Variants in TBX15 observed in about 807,000 individuals in gnomAD.
TBX15 encodes the protein T-box transcription factor TBX15.
In TBX15, 18 loss-of-function variants were observed where a neutral mutation model predicts 53.9. The observed-to-expected ratio is 0.33, with a 90% CI of 0.23 to 0.49. The LOEUF is 0.49. Ranked by LOEUF, TBX15 falls within the 20% of genes least tolerant of loss-of-function variation. TBX15 has a pLI of 0.98. For synonymous variants in TBX15, 295 were observed against 278.0 expected (o/e 1.06, Z -0.61); for missense variants, 692 against 749.5 (o/e 0.92, Z 0.90).
chr1:118,901,481 T>A (rs1487666955), intron 6 of TBX15: 1 of 449,248 alleles, frequency 2.2e-6, no homozygotes, highest in Non-Finnish European at 4.4e-6. Flanking sequence ...ACCATAGCAG[T>A]TTCATTTTCA....
At chr1:118,891,077 A>G in intron 7 of TBX15, 1 of 404,836 alleles carries the variant, frequency 2.5e-6, no homozygotes, top group Non-Finnish European at 4.0e-6. Context: ...CAACAAAAGA[A>G]TTACTTAGTT....
chr1:118,939,533 C>T (rs1656096838), intron 1 of TBX15, among the ~76,000 whole-genome samples: 1 of 149,310 alleles, frequency 6.7e-6, no homozygotes, highest in African/African-American at 2.5e-5. Context: ...ACAACAGACA[C>T]TGAAGACTGC....
chr1:118,886,423 T>C (rs1299345146), intron 7 of TBX15, among the ~76,000 whole-genome samples: 1 of 152,272 alleles, frequency 6.6e-6, no homozygotes, highest in South Asian at 2.1e-4. Flanking sequence ...CCTCTGCAGG[T>C]TACAGTTTCT....
chr1:118,917,677 A>T (rs1301662942), intron 5 of TBX15, among the ~76,000 whole-genome samples: 1 of 152,204 alleles, frequency 6.6e-6, no homozygotes, highest in East Asian at 1.9e-4. Context: ...TGTCATCATC[A>T]TCTCTTGACT....
chr1:118,886,323 G>A (rs574852635), intron 7 of TBX15, among the ~76,000 whole-genome samples: 2 of 152,248 alleles, frequency 1.3e-5, no homozygotes, highest in Admixed American at 1.3e-4. Flanking sequence ...AGCTAAAAAG[G>A]CCTTAAAGTG....
At chr1:118,915,439 A>G (rs1349271352) in intron 5 of TBX15, among the ~76,000 whole-genome samples, 3 of 151,684 alleles carry the variant, frequency 2.0e-5, no homozygotes, top group African/African-American at 7.2e-5. Context: ...CTGACTTGAA[A>G]GAGTCTTCCA....
At chr1:118,920,107 G>C (rs1571174583) in intron 5 of TBX15, among the ~76,000 whole-genome samples, 1 of 152,238 alleles carries the variant, frequency 6.6e-6, no homozygotes, top group South Asian at 2.1e-4. Context: ...TTGCAGAGTT[G>C]GGTCTAGAAC....
chr1:118,888,190 C>G (rs1654016024), intron 7 of TBX15, among the ~76,000 whole-genome samples: 1 of 152,136 alleles, frequency 6.6e-6, no homozygotes, highest in Non-Finnish European at 1.5e-5. Context: ...GAGCCTGATT[C>G]TAGGCCTATT....
At chr1:118,900,452 G>A (rs1654588584) in intron 6 of TBX15, among the ~76,000 whole-genome samples, 1 of 152,176 alleles carries the variant, frequency 6.6e-6, no homozygotes, top group Non-Finnish European at 1.5e-5. Context: ...ATGAGCTGCT[G>A]ATACGCTGAT....
At chr1:118,958,985 G>T (rs147682430) in intron 1 of TBX15, among the ~76,000 whole-genome samples, 1 of 150,958 alleles carries the variant, frequency 6.6e-6, no homozygotes, top group African/African-American at 2.4e-5. Flanking sequence ...CTCTAATTTG[G>T]GAAGAAAAGG....
intron 1 of TBX15, among the ~76,000 whole-genome samples, chr1:118,954,984 C>T (rs889356690): frequency 2.6e-5 from 4 of 152,134 alleles, no homozygotes; most frequent in Non-Finnish European, 5.9e-5. Context: ...CTTCATCAGG[C>T]CCAAGAGTGA....
upstream of TBX15, among the ~76,000 whole-genome samples, chr1:118,988,997 C>T (rs2101066620): frequency 6.6e-6 from 1 of 152,334 alleles, no homozygotes; most frequent in Non-Finnish European, 1.5e-5. Context: ...GGGCGGGCGG[C>T]GGAGCGCGGG....
chr1:118,904,519 T>G (rs1654747095), intron 6 of TBX15, among the ~76,000 whole-genome samples: 1 of 152,174 alleles, frequency 6.6e-6, no homozygotes, highest in Non-Finnish European at 1.5e-5. Context: ...CATGATGAAG[T>G]AGCTGTCATT....
intron 5 of TBX15, among the ~76,000 whole-genome samples, chr1:118,918,278 A>G (rs1393191425): frequency 6.6e-6 from 1 of 152,206 alleles, no homozygotes; most frequent in Non-Finnish European, 1.5e-5. Flanking sequence ...ACAGGTAGGA[A>G]CCATGTCTAT....
In TBX15 at chr1:118,924,663, A is replaced by G. The variant is rs2101594989; in HGVS notation, c.676T>C (p.Leu226=). The change falls in exon 4 of 8, where the codon TTG becomes CTG. Residue 226 remains leucine (L), a synonymous_variant. Coordinates refer to ENST00000369429, the MANE Select transcript of TBX15 (RefSeq NM_001330677.2). ...FDKLKLTNNE[L]DDQGHIILHS... ...TGACTCACATGTCCTTGATCATCCA[A>G]CTCATTGTTGGTAAGCTTGAGTTTG... is the stretch of plus-strand genomic sequence containing the variant. 1 of 1,614,012 alleles carries G rather than the reference A, an allele frequency of 6.2e-7. No homozygotes were observed. The highest frequency in any genetic ancestry group is 1.1e-5 in the South Asian group (1 of 91,078).
Position 118,987,856 on chromosome 1 carries a change from T to C in TBX15, c.-61A>G. On this transcript the variant is annotated 5_prime_UTR_variant, in exon 1 of 8. Coordinates refer to ENST00000369429, the MANE Select transcript of TBX15 (RefSeq NM_001330677.2). Reference sequence around the variant, plus strand: ...GCTACCGAGGGAGCAGCCGGCGCCCTCAAGCTCTGAGCGCCCACCGGGCCC... The same window carrying C: ...GCTACCGAGGGAGCAGCCGGCGCCCCCAAGCTCTGAGCGCCCACCGGGCCC... 1 of 1,536,212 alleles carries C rather than the reference T, an allele frequency of 6.5e-7. No homozygotes were observed. The highest frequency in any genetic ancestry group is 8.8e-7 in the Non-Finnish European group (1 of 1,140,016).
At chr1:118,965,263 A>C (rs752416386) in intron 1 of TBX15, among the ~76,000 whole-genome samples, 9 of 152,236 alleles carry the variant, frequency 5.9e-5, no homozygotes, top group Non-Finnish European at 1.0e-4. Flanking sequence ...ATGCCTGTTT[A>C]AAGAGAAGAA....
chr1:118,946,381 GC>G (rs1656347732), intron 1 of TBX15, among the ~76,000 whole-genome samples: 1 of 152,134 alleles, frequency 6.6e-6, no homozygotes, highest in Non-Finnish European at 1.5e-5. Context: ...ATTTGCAAAA[GC>G]TTGTGTGCTT....
chr1:118,949,397 C>A (rs1287324973), intron 1 of TBX15, among the ~76,000 whole-genome samples: 1 of 152,236 alleles, frequency 6.6e-6, no homozygotes, highest in Non-Finnish European at 1.5e-5. Flanking sequence ...TGTTAGCAAA[C>A]TTCCTCTGCT....
Sources: gnomAD v4.1 joint callset for allele counts (sites outside exome capture counted in the v4.1 genomes callset) on GRCh38, gnomAD v4.1.1 for gene constraint, MANE v1.5 for transcripts, NCBI Gene and HGNC (gene_info 2026-07-23, HGNC 2026-07-21) for gene names.